Variants in CGGBP1 observed in about 807,000 individuals in gnomAD.
CGGBP1 encodes CGG triplet repeat-binding protein 1.
In CGGBP1, 4 loss-of-function variants were observed where a neutral mutation model predicts 11.4. The observed-to-expected ratio is 0.35, with a 90% confidence interval of 0.17 to 0.80. CGGBP1 has a LOEUF of 0.80. CGGBP1 is among the 30% of genes least tolerant of loss of function. CGGBP1 has a pLI of 0.52. For missense variants in CGGBP1, 135 were observed against 202.1 expected, an observed-to-expected ratio of 0.67 and a Z score of 2.01; for synonymous variants, 76 against 74.1, an observed-to-expected ratio of 1.03 and a Z score of -0.13.
rs1281048801 is a variant in CGGBP1, at chr3:88,054,399, C to G, written c.*1074G>C. The G allele has an allele frequency of 6.6e-6, 1 of 152,138 alleles. No individual in the cohort carries two copies. Among genetic ancestry groups the G allele is most frequent in the Non-Finnish European group, 1.5e-5 (1 of 68,016 alleles). 9.4% of individuals were successfully genotyped at this position (152,138 alleles called of 1,614,324 possible). A position where few individuals can be genotyped will look rare whatever the true frequency, so the allele number is the denominator to read the frequency against. ...TCCTCACCCAAAGTTATGCAGGATA[C>G]TGCCAGATCTCCAATACAAAAAACC... On this transcript the variant is annotated 3_prime_UTR_variant, in exon 4 of 4. Transcript: ENST00000482016.
chr3:88,058,348 C>T (rs1424992096), intron 1 of CGGBP1, 125 bp from the exon 2 acceptor site: 1 of 152,262 alleles, frequency 6.6e-6, no homozygotes, highest in Non-Finnish European at 1.5e-5. Flanking sequence ...TTATAGGTAA[C>T]TACAAACCCG....
At chr3:88,149,774 T>G (rs1707376122) in exon 1 of CGGBP1, 1 of 278,304 alleles carries the variant, frequency 3.6e-6, no homozygotes, top group African/African-American at 2.2e-5. Flanking sequence ...GGTAACCAGC[T>G]CCCTTGCGGA....
chr3:88,089,229 C>T lies in CGGBP1; in HGVS notation c.-228-31006G>A, dbSNP rs1321682128. On this transcript the variant is annotated intron_variant, in intron 2 of 3. Coordinates refer to the CGGBP1 transcript ENST00000462901. ...AAAAAAGCCCGGGTGCGGTGGCTCACGCCTGTAATCCCAGCACTTTGGGAG... is the reference window on the plus strand; with the variant it reads ...AAAAAAGCCCGGGTGCGGTGGCTCATGCCTGTAATCCCAGCACTTTGGGAG... 6.7e-5 allele frequency among the ~76,000 whole-genome samples: 10 copies of T among 148,422 alleles called. 1 individual carries two copies. The highest frequency in any genetic ancestry group is 4.3e-4 in the South Asian group (2 of 4,684).
chr3:88,058,512 G>C (rs1019154188), intron 1 of CGGBP1, among the ~76,000 whole-genome samples: 2 of 152,224 alleles, frequency 1.3e-5, no homozygotes, highest in Non-Finnish European at 1.5e-5. Context: ...TCTCTCCTCC[G>C]GCGCCAAGCC....
intron 2 of CGGBP1, chr3:88,112,993 AT>A (rs1344736571): frequency 4.6e-6 from 3 of 654,892 alleles, no homozygotes; most frequent in African/African-American, 1.9e-5. Flanking sequence ...GTTCAGTACA[AT>A]TTTTTAAACC....
chr3:88,089,657 C>A (rs999090659), intron 2 of CGGBP1, among the ~76,000 whole-genome samples: 1 of 152,086 alleles, frequency 6.6e-6, no homozygotes, highest in East Asian at 1.9e-4. Flanking sequence ...TTTATTCTTT[C>A]AGGGCTGTTG....
intron 2 of CGGBP1, among the ~76,000 whole-genome samples, chr3:88,104,365 A>G (rs1704610830): frequency 1.3e-5 from 2 of 152,228 alleles, no homozygotes; most frequent in Admixed American, 1.3e-4. Context: ...TTTTAGACTC[A>G]TGGACCGTAG....
At chr3:88,106,857 A>G (rs560164853) in intron 2 of CGGBP1, among the ~76,000 whole-genome samples, 1 of 152,150 alleles carries the variant, frequency 6.6e-6, no homozygotes, top group Non-Finnish European at 1.5e-5. Flanking sequence ...TTGGCTGTCC[A>G]GTATGAAGAA....
At chr3:88,111,806 T>TCTATACA (rs1008345795) in intron 2 of CGGBP1, among the ~76,000 whole-genome samples, 1 of 151,962 alleles carries the variant, frequency 6.6e-6, no homozygotes, top group African/African-American at 2.4e-5. Context: ...AGGTCCTGTT[T>TCTATACA]CTATACACCA....
chr3:88,142,287 AAAAC>A (rs1707171207), intron 1 of CGGBP1: 1 of 56,394 alleles, frequency 1.8e-5, no homozygotes, highest in Non-Finnish European at 5.5e-5. Flanking sequence ...TGAAAATTAA[AAAAC>A]AAAACAAAAA....
upstream of CGGBP1, chr3:88,059,279 G>C (rs1349399524): frequency 6.5e-7 from 1 of 1,532,548 alleles, no homozygotes; most frequent in African/African-American, 1.4e-5. Flanking sequence ...CGGCGGCGGC[G>C]GCGGCGCAGG....
At chr3:88,124,254 T>C (rs1705952124) in intron 2 of CGGBP1, among the ~76,000 whole-genome samples, 1 of 152,220 alleles carries the variant, frequency 6.6e-6, no homozygotes, top group Admixed American at 6.5e-5. Context: ...GTAGGTGTTT[T>C]AGTATCCATT....
Position 88,139,639 on chromosome 3 carries a change from A to G in CGGBP1, c.-229+1331T>C, listed in dbSNP as rs145744097. On this transcript the variant is annotated intron_variant, in intron 2 of 3. Transcript: ENST00000462901. Reference sequence around the variant, plus strand: ...GGAAACAAAGAAGTCATCCCTGAGCATGTGGCTGAATTCATTGAAATTCCC... The same window carrying G: ...GGAAACAAAGAAGTCATCCCTGAGCGTGTGGCTGAATTCATTGAAATTCCC... 1.1e-5 allele frequency: 17 copies of G among 1,613,008 alleles called. No individual in the cohort carries two copies. The East Asian group carries it at 2.7e-4, about 25-fold the overall frequency.
At chr3:88,120,120 A>G (rs1410069781) in intron 2 of CGGBP1, among the ~76,000 whole-genome samples, 3 of 152,090 alleles carry the variant, frequency 2.0e-5, no homozygotes, top group African/African-American at 7.2e-5. Flanking sequence ...ATATATTTTT[A>G]TAATTTTGAG....
chr3:88,091,619 C>T (rs1179229009), intron 2 of CGGBP1, among the ~76,000 whole-genome samples: 1 of 152,162 alleles, frequency 6.6e-6, no homozygotes, highest in Non-Finnish European at 1.5e-5. Flanking sequence ...CAAATCTCAT[C>T]TTGAATTGTA....
At chr3:88,123,063 T>C (rs1319271473) in intron 2 of CGGBP1, among the ~76,000 whole-genome samples, 1 of 151,570 alleles carries the variant, frequency 6.6e-6, no homozygotes, top group Non-Finnish European at 1.5e-5. Context: ...TGTGTATATA[T>C]ACCCTAGGAG....
At chr3:88,075,797 T>G (rs914655178) in intron 2 of CGGBP1, among the ~76,000 whole-genome samples, 2 of 152,172 alleles carry the variant, frequency 1.3e-5, no homozygotes, top group Non-Finnish European at 2.9e-5. Context: ...TTATCTCTTG[T>G]AGTGTCTTCC....
chr3:88,122,104 A>G (rs1341298386), intron 2 of CGGBP1, among the ~76,000 whole-genome samples: 1 of 152,172 alleles, frequency 6.6e-6, no homozygotes, highest in Non-Finnish European at 1.5e-5. Context: ...AGGAGAAGAA[A>G]TTAAGTTTAT....
At chr3:88,093,082 A>G (rs1267830831) in intron 2 of CGGBP1, among the ~76,000 whole-genome samples, 1 of 152,176 alleles carries the variant, frequency 6.6e-6, no homozygotes, top group Non-Finnish European at 1.5e-5. Context: ...GAAGAAACAG[A>G]GATTTTGCTT....
Sources: allele counts gnomAD v4.1 joint callset (sites outside exome capture counted in the v4.1 genomes callset), GRCh38; gene constraint gnomAD v4.1.1; transcripts MANE v1.5; gene names NCBI Gene and HGNC (gene_info 2026-07-23, HGNC 2026-07-21).